The following ZDHHC2 variants were observed in gnomAD, a reference collection of about 807,000 sequenced individuals.
The protein encoded by ZDHHC2 is zDHHC palmitoyltransferase 2.
In ZDHHC2, 51 loss-of-function variants were observed where a neutral mutation model predicts 55.6. That is an observed-to-expected ratio of 0.92 (90% confidence interval 0.73 to 1.16). ZDHHC2 has a LOEUF of 1.16. Among genes scored for constraint, ZDHHC2 ranks in the 50% most tolerant of loss-of-function variants. The pLI is 0.00. For synonymous variants in ZDHHC2, 199 were observed against 152.9 expected, an observed-to-expected ratio of 1.30 and a Z score of -2.22; for missense variants, 491 against 442.4, an observed-to-expected ratio of 1.11 and a Z score of -0.99.
chr8:17,180,557 A>T (rs999950196), intron 1 of ZDHHC2, among the ~76,000 whole-genome samples: 2 of 152,158 alleles, frequency 1.3e-5, no homozygotes, highest in African/African-American at 4.8e-5. Context: ...TAATATTATC[A>T]AGATGAAAGA....
intron 1 of ZDHHC2, among the ~76,000 whole-genome samples, chr8:17,159,722 T>G (rs1182378304): frequency 6.6e-6 from 1 of 152,152 alleles, no homozygotes; most frequent in Non-Finnish European, 1.5e-5. Flanking sequence ...CAAGTATTTT[T>G]GGTTAAGTCA....
intron 10 of ZDHHC2, among the ~76,000 whole-genome samples, chr8:17,213,834 A>AT (rs1807505200): frequency 6.6e-6 from 1 of 152,150 alleles, no homozygotes; most frequent in South Asian, 2.1e-4. Flanking sequence ...TTGAAGAAGA[A>AT]TAAGAATTAA....
chr8:17,176,487 A>T (rs1805139872), intron 1 of ZDHHC2, among the ~76,000 whole-genome samples: 1 of 151,980 alleles, frequency 6.6e-6, no homozygotes, highest in South Asian at 2.1e-4. Context: ...TCACGGTAGG[A>T]TTTAAGATAA....
rs138765369 is a variant in ZDHHC2, at chr8:17,193,636, G to A, written c.253-1868G>A. On this transcript the variant is annotated intron_variant, in intron 3 of 12. Transcript: ENST00000262096. ...TCCTTCCCTTCAGGGTAGAGAGTTT[G>A]CTCCGGCCCTGGCCGGGTTCAGAGA... is the stretch of plus-strand genomic sequence containing the variant. Among the ~76,000 whole-genome samples, 1,088 of 152,366 alleles carry A rather than the reference G, an allele frequency of 7.1e-3. 13 individuals carry two copies. The highest frequency in any genetic ancestry group is 0.014 in the Middle Eastern group (4 of 294).
intron 1 of ZDHHC2, among the ~76,000 whole-genome samples, chr8:17,176,724 T>C (rs1050607121): frequency 2.0e-5 from 3 of 151,830 alleles, no homozygotes; most frequent in Non-Finnish European, 4.4e-5. Context: ...AGAAGCATCA[T>C]GCACAAGAGG....
intron 10 of ZDHHC2, among the ~76,000 whole-genome samples, chr8:17,211,907 T>A (rs577227255): frequency 1.3e-5 from 2 of 152,314 alleles, no homozygotes; most frequent in South Asian, 4.1e-4. Flanking sequence ...TTATTCAGAA[T>A]ACGTTTCAAG....
At chr8:17,203,833 A>T (rs1351901210) in intron 6 of ZDHHC2, among the ~76,000 whole-genome samples, 1 of 128,820 alleles carries the variant, frequency 7.8e-6, no homozygotes, top group Admixed American at 8.7e-5. Context: ...TTTTGAGAGG[A>T]AGTCTCCCTT....
intron 1 of ZDHHC2, 37 bp downstream of exon 1, chr8:17,156,890 C>G (rs1322308363): frequency 8.8e-6 from 13 of 1,471,578 alleles, no homozygotes; most frequent in Middle Eastern, 1.7e-4. Flanking sequence ...CCCAGCGCAG[C>G]GCAGCCCACC....
intron 1 of ZDHHC2, among the ~76,000 whole-genome samples, chr8:17,176,844 A>G (rs563798013): frequency 2.0e-5 from 3 of 152,286 alleles, no homozygotes; most frequent in African/African-American, 7.2e-5. Flanking sequence ...GTTTGACTTA[A>G]AGTATAATAA....
chr8:17,183,278 A>C (rs944520545), intron 1 of ZDHHC2, among the ~76,000 whole-genome samples: 15 of 152,186 alleles, frequency 9.9e-5, no homozygotes, highest in Non-Finnish European at 1.8e-4. Flanking sequence ...TCCAGAAAAG[A>C]GTTGTCAATT....
chr8:17,210,719 A>G (rs1041623235), intron 10 of ZDHHC2, among the ~76,000 whole-genome samples: 40 of 152,298 alleles, frequency 2.6e-4, no homozygotes, highest in African/African-American at 9.6e-4. Flanking sequence ...TTGTCTATAC[A>G]TTTTGGTTGA....
Position 17,187,401 on chromosome 8 carries a change from T to C in ZDHHC2, c.252+976T>C, listed in dbSNP as rs568693577. ...AACTCTAATAACAGTGTAGTTTTAG[T>C]AAGCCAAGTTTAAAAAAAAAAAGCA... On this transcript the variant is annotated intron_variant, in intron 3 of 12. Transcript: ENST00000262096. 3.2e-4 allele frequency among the ~76,000 whole-genome samples: 49 copies of C among 152,060 alleles called. 1 individual carries two copies. The South Asian group carries it at 4.4e-3, about 14-fold the overall frequency.
chr8:17,168,430 A>G (rs992951032), intron 1 of ZDHHC2, among the ~76,000 whole-genome samples: 1 of 152,074 alleles, frequency 6.6e-6, no homozygotes, highest in African/African-American at 2.4e-5. Flanking sequence ...TTTTTAACTT[A>G]ATTTGTGGTT....
intron 12 of ZDHHC2, among the ~76,000 whole-genome samples, chr8:17,217,909 A>G (rs565728833): frequency 3.3e-4 from 50 of 152,318 alleles, no homozygotes; most frequent in Non-Finnish European, 6.6e-4. Context: ...TATATAATAA[A>G]CAGTTTACCG....
chr8:17,188,535 C>G (rs1285579779), intron 3 of ZDHHC2, among the ~76,000 whole-genome samples: 3 of 152,168 alleles, frequency 2.0e-5, no homozygotes, highest in Non-Finnish European at 4.4e-5. Context: ...ACTGGCAGCT[C>G]CTTCTTGGCC....
intron 1 of ZDHHC2, among the ~76,000 whole-genome samples, chr8:17,179,691 G>A (rs988894292): frequency 3.9e-5 from 6 of 152,314 alleles, no homozygotes; most frequent in African/African-American, 9.6e-5. Flanking sequence ...CATTTCATGC[G>A]TGGGCCGCCC....
chr8:17,176,803 T>C (rs143923512), intron 1 of ZDHHC2, among the ~76,000 whole-genome samples: 2 of 150,856 alleles, frequency 1.3e-5, no homozygotes, highest in African/African-American at 4.9e-5. Context: ...CACAATGACA[T>C]ATAAGGACAA....
Position 17,198,393 on chromosome 8 carries a change from G to A in ZDHHC2, c.456G>A (p.Lys152=), listed in dbSNP as rs1384049572. 6.9e-6 allele frequency: 11 copies of A among 1,602,918 alleles called. No individual in the cohort carries two copies. The highest frequency in any genetic ancestry group is 6.8e-5 in the Admixed American group (4 of 58,416). The change falls in exon 6 of 13, where the codon AAG becomes AAA. Residue 152 remains lysine, a synonymous_variant. Transcript: ENST00000262096. ...HCSVCDKCIL[K]MDHHCPWVNN... ...CTTTGTTTTTTAGATGTATTTTGAAGATGGATCATCATTGTCCATGGTGAG... is the reference window on the plus strand; with the variant it reads ...CTTTGTTTTTTAGATGTATTTTGAAAATGGATCATCATTGTCCATGGTGAG...
At chr8:17,182,972 G>T (rs1805514270) in intron 1 of ZDHHC2, among the ~76,000 whole-genome samples, 1 of 152,178 alleles carries the variant, frequency 6.6e-6, no homozygotes, top group African/African-American at 2.4e-5. Flanking sequence ...ATGTTGGCCA[G>T]GCTGGTCTTG....
Sources: gnomAD v4.1 joint callset for allele counts (sites outside exome capture counted in the v4.1 genomes callset) on GRCh38, gnomAD v4.1.1 for gene constraint, MANE v1.5 for transcripts, NCBI Gene and HGNC (gene_info 2026-07-23, HGNC 2026-07-21) for gene names.